Variants in RABGAP1L observed in about 807,000 individuals in gnomAD.
RABGAP1L encodes the protein rab GTPase-activating protein 1-like.
RABGAP1L carries 63 observed loss-of-function variants against 137.7 expected under a neutral mutation model. The observed-to-expected ratio is 0.46, with a 90% CI of 0.37 to 0.56. The LOEUF (loss-of-function observed/expected upper bound fraction) is 0.56. Among genes scored for constraint, RABGAP1L ranks in the 20% least tolerant of loss-of-function variants. The probability of loss-of-function intolerance (pLI) is 0.00; values close to 1 mark genes in which losing one functional copy is unlikely to be tolerated. For missense variants in RABGAP1L, 1,095 were observed against 1,244.0 expected (o/e 0.88, Z 1.80); for synonymous variants, 431 against 433.7 (o/e 0.99, Z 0.08).
chr1:174,740,232 G>A (rs1301036263), intron 17 of RABGAP1L, among the ~76,000 whole-genome samples: 2 of 151,626 alleles, frequency 1.3e-5, no homozygotes, highest in Non-Finnish European at 2.9e-5. Flanking sequence ...CCTCTCTTGT[G>A]TACTCTTTTT....
intron 24 of RABGAP1L, 32 bp from the exon 25 acceptor site, chr1:174,988,609 T>G (rs1671811821): frequency 6.9e-7 from 1 of 1,457,926 alleles, no homozygotes; most frequent in African/African-American, 1.4e-5. Context: ...ATGGAATAGT[T>G]TGATGTTGGT....
At chr1:174,314,075 C>T (rs191541933) in intron 11 of RABGAP1L, among the ~76,000 whole-genome samples, 2 of 151,962 alleles carry the variant, frequency 1.3e-5, no homozygotes, top group Non-Finnish European at 2.9e-5. Context: ...TGCAGTAGTT[C>T]GATTTGGATT....
chr1:174,709,324 C>T (rs1333009531), intron 17 of RABGAP1L, among the ~76,000 whole-genome samples: 1 of 152,182 alleles, frequency 6.6e-6, no homozygotes, highest in Admixed American at 6.5e-5. Context: ...TCGAGCTCTG[C>T]TAAGGGACAG....
chr1:174,557,850 A>C (rs1666976071), intron 13 of RABGAP1L, among the ~76,000 whole-genome samples: 3 of 152,232 alleles, frequency 2.0e-5, no homozygotes, highest in Admixed American at 2.0e-4. Context: ...TGATTGAGAA[A>C]GATGATGCGG....
chr1:174,616,616 G>A (rs1215120040), intron 13 of RABGAP1L, among the ~76,000 whole-genome samples: 1 of 152,204 alleles, frequency 6.6e-6, no homozygotes, highest in Non-Finnish European at 1.5e-5. Context: ...TTGATTAAGT[G>A]AGGAAAAGGG....
At chr1:174,476,978 A>G (rs1337513243) in intron 13 of RABGAP1L, among the ~76,000 whole-genome samples, 2 of 152,124 alleles carry the variant, frequency 1.3e-5, no homozygotes, top group Non-Finnish European at 2.9e-5. Flanking sequence ...AATTTGGGTT[A>G]TTTGTGACAG....
At chr1:174,629,523 G>A (rs890025259) in intron 13 of RABGAP1L, among the ~76,000 whole-genome samples, 2 of 152,082 alleles carry the variant, frequency 1.3e-5, no homozygotes, top group South Asian at 2.1e-4. Flanking sequence ...TCCTAGGAAG[G>A]GGAATTTTAT....
chr1:174,515,424 G>A (rs1490074674), intron 13 of RABGAP1L, among the ~76,000 whole-genome samples: 1 of 152,034 alleles, frequency 6.6e-6, no homozygotes, highest in African/African-American at 2.4e-5. Flanking sequence ...TCAGAAACAG[G>A]GCTTGTTCCC....
chr1:174,702,117 A>G lies in RABGAP1L; in HGVS notation c.2030A>G (p.Gln677Arg). Residue 677 changes from glutamine to arginine, a missense_variant, in exon 17 of 26, where the codon CAG becomes CGG. Coordinates refer to ENST00000681986, the MANE Select transcript of RABGAP1L (RefSeq NM_001366446.1). ...FYQLERLMQE[Q>R]LPDLHSHFSD... ...ATTTTCCACTTTGACTTTTAGGAAC[A>G]GCTACCGGACCTGCATAGCCATTTT... is the stretch of plus-strand genomic sequence containing the variant. The G allele has an allele frequency of 1.2e-6, 2 of 1,607,702 alleles. No individual in the cohort carries two copies. Among genetic ancestry groups the G allele is most frequent in the African/African-American group, 1.3e-5 (1 of 74,666 alleles).
intron 9 of RABGAP1L, 106 bp from the exon 10 acceptor site, chr1:174,278,507 A>T: frequency 1.2e-6 from 1 of 815,002 alleles, no homozygotes; most frequent in Non-Finnish European, 2.0e-6. Context: ...CATAGAAGGT[A>T]TTACAATTGT....
chr1:174,922,571 T>A (rs1573841138), intron 19 of RABGAP1L: 1 of 152,278 alleles, frequency 6.6e-6, no homozygotes, highest in East Asian at 1.9e-4. Context: ...ACATAACCTA[T>A]CAATGTATTG....
chr1:174,299,756 A>ATG (rs1311396066), intron 10 of RABGAP1L, among the ~76,000 whole-genome samples: 2 of 152,162 alleles, frequency 1.3e-5, no homozygotes, highest in Non-Finnish European at 2.9e-5. Context: ...CATTTAGTTA[A>ATG]CTCTTGTTTT....
At chr1:174,494,114 A>G (rs1026960050) in intron 13 of RABGAP1L, among the ~76,000 whole-genome samples, 1 of 152,176 alleles carries the variant, frequency 6.6e-6, no homozygotes, top group Non-Finnish European at 1.5e-5. Flanking sequence ...AATGGCATTG[A>G]TCTATTTCTT....
intron 13 of RABGAP1L, among the ~76,000 whole-genome samples, chr1:174,490,312 C>G (rs555047616): frequency 7.4e-4 from 112 of 152,300 alleles, no homozygotes; most frequent in African/African-American, 2.3e-3. Flanking sequence ...AGCCCGGTAA[C>G]ACTGTGGTTC....
intron 5 of RABGAP1L, among the ~76,000 whole-genome samples, chr1:174,250,119 A>G (rs1672601916): frequency 6.6e-6 from 1 of 152,176 alleles, no homozygotes; most frequent in Non-Finnish European, 1.5e-5. Context: ...AATGTACCCC[A>G]TTATTAATTT....
intron 13 of RABGAP1L, among the ~76,000 whole-genome samples, chr1:174,463,261 C>G (rs79071134): frequency 0.079 from 12,067 of 152,010 alleles, 670 homozygotes; most frequent in East Asian, 0.32. Context: ...TGGAACTAAC[C>G]CAAATGTCCA....
At chr1:174,474,581 C>CTGATGA (rs753193674) in intron 13 of RABGAP1L, among the ~76,000 whole-genome samples, 1 of 151,892 alleles carries the variant, frequency 6.6e-6, no homozygotes, top group Admixed American at 6.6e-5. Flanking sequence ...TCGAACCTCT[C>CTGATGA]TGATGATGAT....
intron 19 of RABGAP1L, among the ~76,000 whole-genome samples, chr1:174,852,742 G>C (rs935975613): frequency 2.0e-5 from 3 of 151,942 alleles, no homozygotes; most frequent in African/African-American, 7.3e-5. Context: ...CTTGAACCCA[G>C]GAGACAGAGG....
chr1:174,543,484 G>A (rs1290724351), intron 13 of RABGAP1L, among the ~76,000 whole-genome samples: 2 of 152,086 alleles, frequency 1.3e-5, no homozygotes, highest in Non-Finnish European at 2.9e-5. Flanking sequence ...GAGCCTATGT[G>A]TTTCCCTGCC....
Sources: gnomAD v4.1 joint callset for allele counts (sites outside exome capture counted in the v4.1 genomes callset) on GRCh38, gnomAD v4.1.1 for gene constraint, MANE v1.5 for transcripts, NCBI Gene and HGNC (gene_info 2026-07-23, HGNC 2026-07-21) for gene names.